The following SHROOM2 variants were observed in gnomAD, a reference collection of about 807,000 sequenced individuals.
The protein encoded by SHROOM2 is protein Shroom2.
In SHROOM2, 33 loss-of-function variants were observed where a neutral mutation model predicts 75.9. That is an observed-to-expected ratio of 0.43 (90% CI 0.33 to 0.58). The LOEUF is 0.58. Ranked by LOEUF, SHROOM2 falls within the 20% of genes least tolerant of loss-of-function variation. The pLI, the probability that SHROOM2 is intolerant of heterozygous loss-of-function variation, is 0.04. For synonymous variants in SHROOM2, 655 were observed against 663.6 expected (o/e 0.99, Z 0.20); for missense variants, 1,434 against 1,461.2 (o/e 0.98, Z 0.30).
intron 1 of SHROOM2, among the ~76,000 whole-genome samples, chrX:9,814,491 C>T (rs1197935178): frequency 9.0e-5 from 10 of 111,328 alleles, no homozygotes; most frequent in Non-Finnish European, 1.7e-4. Context: ...CTCAACCTCA[C>T]CTCTAGGGGC....
chrX:9,916,511 A>G (rs889873264), intron 5 of SHROOM2, among the ~76,000 whole-genome samples: 2 of 111,977 alleles, frequency 1.8e-5, no homozygotes, highest in African/African-American at 6.5e-5. Context: ...GCGCTAGAAA[A>G]TATCACCACG....
chrX:9,837,926 C>T (rs2083956059), intron 1 of SHROOM2, among the ~76,000 whole-genome samples: 1 of 111,288 alleles, frequency 9.0e-6, no homozygotes, highest in South Asian at 3.8e-4. Context: ...TGGATCAGGC[C>T]ACTGGGGCAT....
intron 1 of SHROOM2, among the ~76,000 whole-genome samples, chrX:9,801,148 G>A: frequency 8.9e-6 from 1 of 111,779 alleles, no homozygotes; most frequent in East Asian, 2.8e-4. Flanking sequence ...GCAGGCAAGA[G>A]AGAATGAGAG....
At chrX:9,867,876 T>C (rs1277020750) in intron 1 of SHROOM2, among the ~76,000 whole-genome samples, 1 of 111,699 alleles carries the variant, frequency 9.0e-6, no homozygotes, top group East Asian at 2.8e-4. Flanking sequence ...GCGTCCTTCA[T>C]ATCTAGAGGG....
chrX:9,837,231 G>C, intron 1 of SHROOM2, among the ~76,000 whole-genome samples: 1 of 112,625 alleles, frequency 8.9e-6, no homozygotes, highest in Non-Finnish European at 1.9e-5. Context: ...TGTGGTTTGT[G>C]GGGAGGCTGG....
Position 9,896,468 on chromosome X carries a change from G to T in SHROOM2, c.2560G>T (p.Ala854Ser). 1 of 1,210,769 alleles carries T rather than the reference G, an allele frequency of 8.3e-7. No homozygotes were observed. Among genetic ancestry groups the T allele is most frequent in the South Asian group, 1.8e-5 (1 of 56,838 alleles). ...RTTSLGDSLN[A>S]HSAAEKAGTS... ...CACCTCCCTTGGGGACAGCCTCAAC[G>T]CTCACAGCGCAGCGGAGAAGGCAGG... The change falls in exon 4 of 10, where the codon GCT (alanine) becomes TCT (serine). Residue 854 changes from alanine to serine, a missense_variant. This residue lies in a region of SHROOM2 where 1,340 missense variants were observed against 1,338.3 expected (regional missense o/e 1.00). Coordinates refer to ENST00000380913, the MANE Select transcript of SHROOM2 (RefSeq NM_001649.4).
chrX:9,906,005 G>A (rs766270774), intron 5 of SHROOM2, among the ~76,000 whole-genome samples: 56 of 111,623 alleles, frequency 5.0e-4, no homozygotes, highest in Admixed American at 1.4e-3. Flanking sequence ...GCCCTGGGCC[G>A]CGAGCATCAT....
intron 5 of SHROOM2, among the ~76,000 whole-genome samples, chrX:9,906,247 T>C (rs752049197): frequency 9.0e-6 from 1 of 111,607 alleles, no homozygotes; most frequent in South Asian, 3.7e-4. Flanking sequence ...CATCCGTAGA[T>C]AGAAAGTAGA....
intron 1 of SHROOM2, among the ~76,000 whole-genome samples, chrX:9,810,434 A>G (rs1379210936): frequency 9.0e-6 from 1 of 111,203 alleles, no homozygotes; most frequent in Non-Finnish European, 1.9e-5. Context: ...TTTATCTGAT[A>G]GTCTGGGTCA....
chrX:9,815,545 A>G (rs1332971850), intron 1 of SHROOM2, among the ~76,000 whole-genome samples: 3 of 102,835 alleles, frequency 2.9e-5, no homozygotes, highest in Non-Finnish European at 4.0e-5. Flanking sequence ...ATATATATAT[A>G]TCCTATATCT....
chrX:9,844,731 C>T (rs986389663), intron 1 of SHROOM2, among the ~76,000 whole-genome samples: 3 of 110,571 alleles, frequency 2.7e-5, no homozygotes, highest in Admixed American at 1.9e-4. Context: ...AGGAGAATGG[C>T]TTGAACCCGG....
chrX:9,834,623 CTTATTTATTTAT>C (rs201317435), intron 1 of SHROOM2, among the ~76,000 whole-genome samples: 1,474 of 38,420 alleles, frequency 0.038, 22 homozygotes, highest in African/African-American at 0.11. Context: ...CTTTCTCCAC[CTTATTTATTTAT>C]TTATTTATTT....
intron 5 of SHROOM2, among the ~76,000 whole-genome samples, chrX:9,918,881 C>T (rs771480740): frequency 1.3e-4 from 15 of 111,909 alleles, no homozygotes; most frequent in Non-Finnish European, 2.8e-4. Context: ...TTCATCCTAT[C>T]CCATTGGGGT....
chrX:9,824,579 A>G (rs1321317249), intron 1 of SHROOM2, among the ~76,000 whole-genome samples: 1 of 111,965 alleles, frequency 8.9e-6, no homozygotes, highest in East Asian at 2.8e-4. Context: ...TCCCCTCCCC[A>G]CAAAGAAATA....
intron 2 of SHROOM2, among the ~76,000 whole-genome samples, chrX:9,884,368 C>CT (rs1181815816): frequency 0.014 from 883 of 62,237 alleles, 7 homozygotes; most frequent in South Asian, 0.043. Context: ...TTTTTCTTTT[C>CT]TTTTTTTTTT....
rs2084519906 is a variant in SHROOM2 at position 9,919,324 on chromosome X, C to CTTGCT, written c.2892-12849_2892-12848insGCTTT. Among the ~76,000 whole-genome samples the CTTGCT allele has an allele frequency of 9.2e-5, 3 of 32,468 alleles. 1 individual carries two copies. Among genetic ancestry groups the CTTGCT allele is most frequent in the South Asian group, 6.8e-3 (2 of 295 alleles). The allele number at this position is 32,468 out of a possible 115,157, so 28.2% of individuals were successfully genotyped here. A position where few individuals can be genotyped will look rare whatever the true frequency, so the allele number is the denominator to read the frequency against. ...AGGAAATGTTTCATGGAGGAGGTTGCTTTTTTTTTTTTTTTTTTTTTTTTT... is the reference window on the plus strand; with the variant it reads ...AGGAAATGTTTCATGGAGGAGGTTGCTTGCTTTTTTTTTTTTTTTTTTTTTTTTTT... On this transcript the variant is annotated intron_variant, in intron 5 of 9. Transcript: ENST00000380913.
rs1211811022 is a variant in SHROOM2 at position 9,894,972 on chromosome X, C to G, written c.1064C>G (p.Ala355Gly). The change falls in exon 4 of 10, where the codon GCT (alanine) becomes GGT (glycine). Residue 355 changes from alanine (A) to glycine (G), a missense_variant. By Grantham distance (60) the Ala-to-Gly change is moderately conservative. Around this residue, in one of 3 missense-constraint regions of SHROOM2, gnomAD observed 1,340 missense variants for 1,338.3 expected, o/e 1.00. Transcript: ENST00000380913. ...AAQHFTALAQ[A>G]QPRGDRRPEL... ...CAGCACTTTACGGCCCTGGCCCAGG[C>G]TCAGCCTCGTGGTGACCGGAGACCA... 1 of 1,210,676 alleles carries G rather than the reference C, an allele frequency of 8.3e-7. No individual in the cohort carries two copies. Among genetic ancestry groups the G allele is most frequent in the Non-Finnish European group, 1.1e-6 (1 of 895,179 alleles).
chrX:9,938,515 T>A (rs747053297), intron 7 of SHROOM2, among the ~76,000 whole-genome samples: 5 of 112,037 alleles, frequency 4.5e-5, no homozygotes, highest in African/African-American at 9.7e-5. Context: ...ATGGTGCCAC[T>A]GCACTCCAGT....
intron 8 of SHROOM2, among the ~76,000 whole-genome samples, chrX:9,941,535 A>G (rs1569180025): frequency 8.9e-6 from 1 of 112,327 alleles, no homozygotes; most frequent in Non-Finnish European, 1.9e-5. Context: ...TATGACATGT[A>G]AAAGAACCAA....
Sources: allele counts gnomAD v4.1 joint callset (sites outside exome capture counted in the v4.1 genomes callset), GRCh38; gene constraint gnomAD v4.1.1; regional missense constraint gnomAD v4.1.1; transcripts MANE v1.5; gene names NCBI Gene and HGNC (gene_info 2026-07-23, HGNC 2026-07-21).